The following ACAT2 variants were observed in gnomAD, a reference collection of about 807,000 sequenced individuals.
The protein encoded by ACAT2 is acetyl-CoA acetyltransferase 2, also known as acetyl-CoA acetyltransferase, cytosolic.
Under a neutral mutation model 37.1 loss-of-function variants are expected in ACAT2, and 26 were observed. The observed-to-expected ratio is 0.70, with a 90% CI of 0.51 to 0.97. The LOEUF is 0.97. ACAT2 is among the 50% of genes least tolerant of loss of function. The pLI is 0.00. For missense variants in ACAT2, 468 were observed against 489.0 expected (o/e 0.96, Z 0.40); for synonymous variants, 156 against 163.6 (o/e 0.95, Z 0.35).
chr6:159,767,814 A>G (rs757932450), intron 3 of ACAT2, among the ~76,000 whole-genome samples: 3 of 152,252 alleles, frequency 2.0e-5, no homozygotes, highest in Non-Finnish European at 2.9e-5. Flanking sequence ...AGGAGGAGGC[A>G]GGCTAAAGGT....
intron 2 of ACAT2, among the ~76,000 whole-genome samples, chr6:159,765,877 A>G (rs556128598): frequency 9.2e-5 from 14 of 152,316 alleles, no homozygotes; most frequent in African/African-American, 3.4e-4. Context: ...CTAAGTTTTT[A>G]TCAGCGACTT....
intron 3 of ACAT2, among the ~76,000 whole-genome samples, chr6:159,767,759 A>G (rs931117350): frequency 2.0e-5 from 3 of 152,218 alleles, no homozygotes; most frequent in Non-Finnish European, 4.4e-5. Context: ...TGAGGTGCAG[A>G]TTCCCTAGAT....
Position 159,778,950 on chromosome 6 carries a change from A to G in ACAT2, c.*121A>G. 1.3e-6 allele frequency: 2 copies of G among 1,559,098 alleles called. No homozygotes were observed. Among genetic ancestry groups the G allele is most frequent in the Admixed American group, 1.8e-5 (1 of 55,272 alleles). ...CCATTTCCTACATCACAAAAACCCA[A>G]GTTTACAGCTTGTACTTTACTTTAA... On this transcript the variant is annotated 3_prime_UTR_variant, in exon 9 of 9. Coordinates refer to ENST00000367048, the MANE Select transcript of ACAT2 (RefSeq NM_005891.3).
intron 1 of ACAT2, 147 bp downstream of exon 1, chr6:159,762,289 T>A: frequency 8.0e-7 from 1 of 1,248,228 alleles, no homozygotes. Context: ...CCTGGAACCC[T>A]GCGGCTCCCG....
intron 5 of ACAT2, chr6:159,775,588 C>G (rs879355519): frequency 6.0e-6 from 2 of 333,312 alleles, no homozygotes; most frequent in Non-Finnish European, 1.1e-5. Context: ...GGAGCACTGG[C>G]TCATGGTTGT....
chr6:159,776,387 T>C (rs1780414285), intron 6 of ACAT2, 115 bp downstream of exon 6: 4 of 1,285,088 alleles, frequency 3.1e-6, no homozygotes, highest in Non-Finnish European at 4.2e-6. Flanking sequence ...AGGGACTCAC[T>C]CTGCCAGCCA....
rs780114679 is a variant in ACAT2 at position 159,777,371 on chromosome 6, C to G, written c.827C>G (p.Pro276Arg). 1.7e-5 allele frequency: 27 copies of G among 1,614,034 alleles called. No individual in the cohort carries two copies. The East Asian group carries it at 5.8e-4, about 35-fold the overall frequency. ...KSEADKRGLT[P>R]LARIVSWSQV... ...GAAGCTGATAAACGTGGGCTTACAC[C>G]TTTAGCACGGATAGTTTCCTGGTCC... Residue 276 changes from proline to arginine, a missense_variant, in exon 7 of 9, where the codon CCT becomes CGT. Physicochemically the swap from Pro to Arg is moderately radical, Grantham distance 103. Coordinates refer to ENST00000367048, the MANE Select transcript of ACAT2 (RefSeq NM_005891.3).
At chr6:159,771,188 C>T (rs1780330865) in intron 4 of ACAT2, among the ~76,000 whole-genome samples, 1 of 152,074 alleles carries the variant, frequency 6.6e-6, no homozygotes, top group African/African-American at 2.4e-5. Context: ...TTGAGACCCA[C>T]ATGACCAACA....
chr6:159,775,963 C>T, intron 5 of ACAT2, 187 bp from the exon 6 acceptor site: 1 of 581,038 alleles, frequency 1.7e-6, no homozygotes. Flanking sequence ...AGGACATACT[C>T]ATAAATTGTT....
At chr6:159,765,778 C>G (rs1780247008) in intron 2 of ACAT2, among the ~76,000 whole-genome samples, 1 of 152,084 alleles carries the variant, frequency 6.6e-6, no homozygotes, top group South Asian at 2.1e-4. Flanking sequence ...TGTATATGAT[C>G]CTGCATATGT....
chr6:159,766,894 T>C, intron 2 of ACAT2, 111 bp from the exon 3 acceptor site: 3 of 1,333,966 alleles, frequency 2.2e-6, no homozygotes. Context: ...ACTTGACCTG[T>C]AGGCTTTCAG....
chr6:159,778,843 T>A lies in ACAT2; in HGVS notation c.*14T>A. On this transcript the variant is annotated 3_prime_UTR_variant, in exon 9 of 9. Transcript: ENST00000367048. ...CAGAGAGAATGAATTGCTTAAACTT[T>A]GAACAACCTCAATTTCTTTTTAAAC... 1.2e-6 allele frequency: 2 copies of A among 1,613,956 alleles called. No individual in the cohort carries two copies. Among genetic ancestry groups the A allele is most frequent in the Non-Finnish European group, 8.5e-7 (1 of 1,179,874 alleles).
chr6:159,762,247 G>A, intron 1 of ACAT2, 105 bp downstream of exon 1: 1 of 1,406,242 alleles, frequency 7.1e-7, no homozygotes, highest in Admixed American at 2.6e-5. Context: ...GGAGGAAGCC[G>A]GTCAGGCCAA....
intron 8 of ACAT2, 93 bp downstream of exon 8, chr6:159,778,373 T>C: frequency 3.8e-6 from 3 of 797,884 alleles, no homozygotes; most frequent in South Asian, 1.9e-5. Flanking sequence ...ATGTGGGTAA[T>C]AGTTAAAGAA....
chr6:159,777,310 G>C lies in ACAT2; in HGVS notation c.766G>C (p.Asp256His). 6.2e-7 allele frequency: 1 copy of C among 1,611,952 alleles called. No individual in the cohort carries two copies. The highest frequency in any genetic ancestry group is 8.5e-7 in the Non-Finnish European group (1 of 1,179,320). ...TCACTCATATTTTACAGGAATAAAT[G>C]ATGGTGCTGCAGCTGTCGTTCTTAT... The part of the protein sequence containing the change: ...VTPANASGIN[D>H]GAAAVVLMKK... Residue 256 changes from aspartate to histidine, a missense_variant, in exon 7 of 9, where the codon GAT (aspartate) becomes CAT (histidine). By Grantham distance (81) the Asp-to-His change is moderately conservative. Transcript: ENST00000367048.
Position 159,778,201 on chromosome 6 carries a change from T to G in ACAT2, c.944T>G (p.Val315Gly). ...VTKAGWSLEDVDIFEINEAFA... is the reference protein window; with the variant it reads ...VTKAGWSLEDGDIFEINEAFA... ...AAAGCAGGTTGGTCACTGGAAGATG[T>G]TGACATATTTGAAATCAATGAAGCC... The change falls in exon 8 of 9, where the codon GTT becomes GGT. Residue 315 changes from valine to glycine, a missense_variant. Coordinates refer to ENST00000367048, the MANE Select transcript of ACAT2 (RefSeq NM_005891.3). 6.2e-7 allele frequency: 1 copy of G among 1,612,726 alleles called. No homozygotes were observed. The highest frequency in any genetic ancestry group is 8.5e-7 in the Non-Finnish European group (1 of 1,179,654).
intron 7 of ACAT2, among the ~76,000 whole-genome samples, chr6:159,777,733 A>G (rs1210209470): frequency 3.4e-5 from 4 of 116,064 alleles, no homozygotes; most frequent in Non-Finnish European, 8.4e-5. Context: ...TTCATTTCGT[A>G]GAGACAAGGT....
At chr6:159,770,071 GC>G (rs1303730541) in intron 4 of ACAT2, among the ~76,000 whole-genome samples, 2 of 152,186 alleles carry the variant, frequency 1.3e-5, no homozygotes, top group Non-Finnish European at 2.9e-5. Flanking sequence ...TAGGGCCAAA[GC>G]CATAGAGTAA....
intron 6 of ACAT2, 81 bp downstream of exon 6, chr6:159,776,353 T>A: frequency 6.7e-7 from 1 of 1,485,556 alleles, no homozygotes; most frequent in Non-Finnish European, 9.0e-7. Context: ...TTTATTTATA[T>A]ACAAAAGTAC....
Sources: allele counts gnomAD v4.1 joint callset (sites outside exome capture counted in the v4.1 genomes callset), GRCh38; gene constraint gnomAD v4.1.1; transcripts MANE v1.5; gene names NCBI Gene and HGNC (gene_info 2026-07-23, HGNC 2026-07-21).